The following RHBDD1 variants were observed in gnomAD, a reference collection of about 807,000 sequenced individuals.
The protein encoded by RHBDD1 is rhomboid domain containing 1.
RHBDD1 carries 38 observed loss-of-function variants against 36.3 expected under a neutral mutation model. The ratio of observed to expected loss-of-function variants is 1.05; its 90% CI spans 0.81 to 1.37. RHBDD1 has a LOEUF of 1.37. Among genes scored for constraint, RHBDD1 ranks in the 40% most tolerant of loss-of-function variants. The probability of loss-of-function intolerance (pLI) is 0.00; values close to 1 mark genes in which losing one functional copy is unlikely to be tolerated. For synonymous variants in RHBDD1, 151 were observed against 136.5 expected, an observed-to-expected ratio of 1.11 and a Z score of -0.74; for missense variants, 393 against 377.6, an observed-to-expected ratio of 1.04 and a Z score of -0.34.
chr2:226,966,923 C>T (rs924819613), intron 8 of RHBDD1, among the ~76,000 whole-genome samples: 1 of 151,758 alleles, frequency 6.6e-6, no homozygotes, highest in Admixed American at 6.6e-5. Context: ...AGAAGCTTTG[C>T]GTGTGAGACC....
chr2:226,959,950 G>C (rs944750020), intron 8 of RHBDD1, among the ~76,000 whole-genome samples: 1 of 152,090 alleles, frequency 6.6e-6, no homozygotes, highest in Non-Finnish European at 1.5e-5. Flanking sequence ...AGCCTCCCGA[G>C]TAGCTGGGAC....
In RHBDD1 at chr2:226,998,132, C is replaced by T. The variant is rs1361956626; in HGVS notation, c.*2610C>T. ...GGTGTGGTCAGTCAACTTAAGCGAC[C>T]TTTTAATGCAGAATCTTTACTTGGT... is the stretch of plus-strand genomic sequence containing the variant. On this transcript the variant is annotated 3_prime_UTR_variant, in exon 9 of 9. Transcript: ENST00000392062. 6.6e-6 allele frequency: 1 copy of T among 152,156 alleles called. No homozygotes were observed. Among genetic ancestry groups the T allele is most frequent in the Non-Finnish European group, 1.5e-5 (1 of 68,030 alleles). The allele number at this position is 152,156 out of a possible 1,614,324, so 9.4% of individuals were successfully genotyped here. A position where few individuals can be genotyped will look rare whatever the true frequency, so the allele number is the denominator to read the frequency against.
At chr2:226,873,606 G>A (rs1944968381) in intron 5 of RHBDD1, among the ~76,000 whole-genome samples, 1 of 152,216 alleles carries the variant, frequency 6.6e-6, no homozygotes, top group African/African-American at 2.4e-5. Flanking sequence ...GGAAGGGAAA[G>A]TAATGGAGCT....
intron 3 of RHBDD1, among the ~76,000 whole-genome samples, chr2:226,845,414 A>G (rs1194640529): frequency 6.6e-6 from 1 of 152,232 alleles, no homozygotes; most frequent in East Asian, 1.9e-4. Context: ...TCTGAAGGTT[A>G]ACTTTCCTAA....
chr2:226,864,068 T>A (rs1035976911), intron 3 of RHBDD1, among the ~76,000 whole-genome samples: 6 of 152,214 alleles, frequency 3.9e-5, no homozygotes, highest in African/African-American at 1.4e-4. Context: ...GCTGAAGTTG[T>A]TATGAAAGTA....
At chr2:226,885,174 A>G (rs529780234) in intron 5 of RHBDD1, among the ~76,000 whole-genome samples, 1 of 152,142 alleles carries the variant, frequency 6.6e-6, no homozygotes, top group Admixed American at 6.5e-5. Flanking sequence ...AATTATTCTA[A>G]AATTGTTACT....
chr2:226,873,556 T>C (rs1944961411), intron 5 of RHBDD1, among the ~76,000 whole-genome samples: 1 of 152,144 alleles, frequency 6.6e-6, no homozygotes, highest in Admixed American at 6.5e-5. Flanking sequence ...CAAAGCTGCA[T>C]GTTTCTGTTG....
intron 8 of RHBDD1, among the ~76,000 whole-genome samples, chr2:226,989,555 G>C (rs1341560226): frequency 1.3e-5 from 2 of 152,158 alleles, no homozygotes; most frequent in Admixed American, 1.3e-4. Context: ...AGTAAACAGA[G>C]TGAGCATGTA....
intron 5 of RHBDD1, among the ~76,000 whole-genome samples, chr2:226,869,761 G>A (rs1944633898): frequency 6.6e-6 from 1 of 152,212 alleles, no homozygotes; most frequent in Admixed American, 6.5e-5. Context: ...CACAGTGTCT[G>A]TGTGTACTTA....
At chr2:226,852,129 C>T (rs543048384) in intron 3 of RHBDD1, among the ~76,000 whole-genome samples, 1 of 152,154 alleles carries the variant, frequency 6.6e-6, no homozygotes, top group Non-Finnish European at 1.5e-5. Flanking sequence ...TTGTTGAATC[C>T]GTAGGATAGA....
At chr2:226,974,895 G>A (rs977028874) in intron 8 of RHBDD1, among the ~76,000 whole-genome samples, 1 of 152,140 alleles carries the variant, frequency 6.6e-6, no homozygotes, top group African/African-American at 2.4e-5. Context: ...AGATCTTGGT[G>A]CTCCCATTAC....
chr2:226,998,327 C>T lies in RHBDD1; in HGVS notation c.*2805C>T, dbSNP rs1960007974. On this transcript the variant is annotated 3_prime_UTR_variant, in exon 9 of 9. Transcript: ENST00000392062. ...CTAGATCCTGTCTATCTATTTGGCA[C>T]ATGTTCTGCTGCCTGGGGAGTAAGC... 6.6e-6 allele frequency: 1 copy of T among 152,134 alleles called. No homozygotes were observed. The highest frequency in any genetic ancestry group is 1.5e-5 in the Non-Finnish European group (1 of 68,030). The allele number at this position is 152,134 out of a possible 1,614,324, so 9.4% of individuals were successfully genotyped here.
intron 3 of RHBDD1, among the ~76,000 whole-genome samples, chr2:226,864,374 C>T (rs1413903310): frequency 6.6e-6 from 1 of 152,004 alleles, no homozygotes; most frequent in Admixed American, 6.6e-5. Flanking sequence ...ACATACCTGT[C>T]CATTAACTGA....
intron 5 of RHBDD1, among the ~76,000 whole-genome samples, chr2:226,896,854 G>A (rs188992886): frequency 1.4e-4 from 21 of 152,170 alleles, no homozygotes; most frequent in East Asian, 1.2e-3. Flanking sequence ...CCAGGCTGGA[G>A]TATAGTGGCA....
chr2:226,908,760 G>T (rs1575057500), intron 6 of RHBDD1, 62 bp from the exon 7 acceptor site: 1 of 1,099,302 alleles, frequency 9.1e-7, no homozygotes, highest in Non-Finnish European at 1.4e-6. Context: ...TCTAATTACT[G>T]GAACAATTAG....
At chr2:226,873,578 G>A (rs1013657201) in intron 5 of RHBDD1, among the ~76,000 whole-genome samples, 1 of 152,200 alleles carries the variant, frequency 6.6e-6, no homozygotes, top group Non-Finnish European at 1.5e-5. Context: ...GAGGGGGTTG[G>A]TGCAGTGATG....
chr2:226,928,131 G>A lies in RHBDD1; in HGVS notation c.856+13780G>A, dbSNP rs571692491. Among the ~76,000 whole-genome samples the A allele has an allele frequency of 1.8e-4, 27 of 152,156 alleles. No homozygotes were observed. In the South Asian group the frequency reaches 5.6e-3, roughly 32 times the overall value. On this transcript the variant is annotated intron_variant, in intron 8 of 8. Coordinates refer to ENST00000392062, the MANE Select transcript of RHBDD1 (RefSeq NM_001167608.3). ...AGTTTTTATATAAGATGTGAGGTAT[G>A]AACCAAAGTTTGTTTTTTGCTTGTG...
intron 5 of RHBDD1, among the ~76,000 whole-genome samples, chr2:226,879,906 G>T (rs73992261): frequency 0.014 from 2,164 of 152,254 alleles, 60 homozygotes; most frequent in African/African-American, 0.05. Context: ...TTTGAGAGGG[G>T]AGAAGAGTGG....
chr2:226,829,809 G>C, the RHBDD1 span, among the ~76,000 whole-genome samples: 12 of 152,098 alleles, frequency 7.9e-5, no homozygotes, highest in African/African-American at 2.9e-4. Context: ...TGTGAATAGA[G>C]TTTCACTTTT....
Sources: gnomAD v4.1 joint callset for allele counts (sites outside exome capture counted in the v4.1 genomes callset) on GRCh38, gnomAD v4.1.1 for gene constraint, MANE v1.5 for transcripts, NCBI Gene and HGNC (gene_info 2026-07-23, HGNC 2026-07-21) for gene names.